Variants in TOM1 observed in about 807,000 individuals in gnomAD.
TOM1 encodes target of Myb protein 1.
Under a neutral mutation model 61.3 loss-of-function variants are expected in TOM1, and 38 were observed. The observed-to-expected ratio is 0.62, with a 90% CI of 0.48 to 0.81. The LOEUF is 0.81. Ranked by LOEUF, TOM1 falls within the 40% of genes least tolerant of loss-of-function variation. TOM1 has a pLI of 0.00. For synonymous variants in TOM1, 270 were observed against 268.8 expected, an observed-to-expected ratio of 1.00 and a Z score of -0.04; for missense variants, 591 against 659.6, an observed-to-expected ratio of 0.90 and a Z score of 1.14.
Position 35,333,621 on chromosome 22 carries a change from G to A in TOM1, c.1027+124G>A, listed in dbSNP as rs144941798. ...GTGTCAGTCTGGACCCCACCTTGCT[G>A]GGGTCCCAGGCTGAATCTTGCTGCA... On this transcript the variant is annotated intron_variant, in intron 10 of 14. Transcript: ENST00000449058. The A allele has an allele frequency of 1.1e-3, 953 of 864,566 alleles. 3 individuals are homozygous for A. The highest frequency in any genetic ancestry group is 1.1e-3 in the Non-Finnish European group (582 of 544,528). The allele number at this position is 864,566 out of a possible 1,614,324, so 53.6% of individuals were successfully genotyped here.
Position 35,323,314 on chromosome 22 carries a change from T to C in TOM1, c.366+137T>C, listed in dbSNP as rs1422057703. ...TCGGGGCGTCTCGGTTGTCGGCTGG[T>C]GGGATGTTCTGTGGGGAGGGAGGCT... On this transcript the variant is annotated intron_variant, in intron 4 of 14. Coordinates refer to ENST00000449058, the MANE Select transcript of TOM1 (RefSeq NM_005488.3). This position sits in a 1 kb window ranked among gnomAD's most constrained non-coding sequence, Gnocchi z 4.2. The C allele has an allele frequency of 7.1e-7, 1 of 1,401,162 alleles. No homozygotes were observed. The highest frequency in any genetic ancestry group is 9.7e-7 in the Non-Finnish European group (1 of 1,027,844). 86.8% of individuals were successfully genotyped at this position (1,401,162 alleles called of 1,614,324 possible). A position where few individuals can be genotyped will look rare whatever the true frequency, so the allele number is the denominator to read the frequency against.
chr22:35,332,928 G>A, intron 8 of TOM1, 53 bp from the exon 9 acceptor site: 24 of 1,595,126 alleles, frequency 1.5e-5, no homozygotes, highest in Non-Finnish European at 2.1e-5. Flanking sequence ...CTGGCCGTGT[G>A]TGGGGGCCTG....
intron 8 of TOM1, 130 bp from the exon 9 acceptor site, chr22:35,332,851 G>A: frequency 1.1e-6 from 1 of 903,148 alleles, no homozygotes; most frequent in Non-Finnish European, 1.9e-6. Flanking sequence ...GGGCACACCA[G>A]ACGTGTCATC....
intron 12 of TOM1, among the ~76,000 whole-genome samples, chr22:35,340,782 G>A (rs141876982): frequency 6.6e-6 from 1 of 152,292 alleles, no homozygotes; most frequent in African/African-American, 2.4e-5. Flanking sequence ...ACGAGTTGTG[G>A]AAACCGTCCA....
intron 11 of TOM1, among the ~76,000 whole-genome samples, chr22:35,337,574 A>G (rs1456494316): frequency 2.6e-5 from 4 of 152,248 alleles, no homozygotes; most frequent in Non-Finnish European, 4.4e-5. Flanking sequence ...GCACTCTTCA[A>G]AATGACTGCG....
At chr22:35,305,658 CA>C (rs137868113) in intron 1 of TOM1, among the ~76,000 whole-genome samples, 248 of 130,250 alleles carry the variant, frequency 1.9e-3, no homozygotes, top group Middle Eastern at 3.9e-3. Flanking sequence ...GACTCAATCT[CA>C]AAAAAAAAAA....
At chr22:35,299,413 T>G (rs1486994046), upstream of TOM1, 2 of 153,422 alleles carry the variant, frequency 1.3e-5, no homozygotes, top group Admixed American at 6.5e-5. Flanking sequence ...GGGTGCATCT[T>G]GGAGCGGGGA....
chr22:35,338,623 A>C, intron 11 of TOM1, 90 bp from the exon 12 acceptor site: 1 of 1,031,118 alleles, frequency 9.7e-7, no homozygotes, highest in Non-Finnish European at 1.4e-6. Context: ...GGAGGATGGG[A>C]GCCGTCAATC....
intron 1 of TOM1, among the ~76,000 whole-genome samples, chr22:35,304,668 C>T (rs1252276063): frequency 5.9e-5 from 9 of 152,194 alleles, no homozygotes; most frequent in Non-Finnish European, 1.0e-4. Flanking sequence ...TTAGTAGAGA[C>T]GGGGTTTCAC....
chr22:35,333,127 C>A, intron 9 of TOM1, 113 bp downstream of exon 9: 1 of 1,209,002 alleles, frequency 8.3e-7, no homozygotes, highest in Non-Finnish European at 1.2e-6. Flanking sequence ...CTTATCCAGG[C>A]CCATAGAGAA....
intron 1 of TOM1, among the ~76,000 whole-genome samples, chr22:35,303,907 T>G (rs1457058630): frequency 6.6e-6 from 1 of 152,208 alleles, no homozygotes; most frequent in African/African-American, 2.4e-5. Flanking sequence ...GAGCAGGAAC[T>G]GTGCCTTATT....
intron 11 of TOM1, among the ~76,000 whole-genome samples, chr22:35,336,043 G>A (rs1929301740): frequency 2.0e-5 from 3 of 152,158 alleles, no homozygotes; most frequent in Non-Finnish European, 4.4e-5. Flanking sequence ...AGAGGCAGTT[G>A]ATTTTATTCT....
chr22:35,347,522 G>T lies in TOM1; in HGVS notation c.*313G>T. On this transcript the variant is annotated 3_prime_UTR_variant, in exon 15 of 15. Transcript: ENST00000449058. ...TGGCTGGCTGGCTGCTTGACCCAGT[G>T]TGACTCTCCTTCACTGAGTGATACC... 3.6e-6 allele frequency: 1 copy of T among 275,830 alleles called. No individual in the cohort carries two copies. The highest frequency in any genetic ancestry group is 6.8e-6 in the Non-Finnish European group (1 of 146,562). The allele number at this position is 275,830 out of a possible 1,614,324, so 17.1% of individuals were successfully genotyped here.
At position 35,332,965 on chromosome 22, in the gene TOM1, C is replaced by G; in HGVS notation, c.900-16C>G. ...CTCAGTCTGTCTCCATAACTCGTGT[C>G]TTTTCTGTCTTGTAGGTTTGAACGG... On this transcript the variant is annotated splice_polypyrimidine_tract_variant and intron_variant, in intron 8 of 14. Coordinates refer to ENST00000449058, the MANE Select transcript of TOM1 (RefSeq NM_005488.3). 3.1e-6 allele frequency: 5 copies of G among 1,614,168 alleles called. No homozygotes were observed. Among genetic ancestry groups the G allele is most frequent in the Non-Finnish European group, 4.2e-6 (5 of 1,180,014 alleles).
At chr22:35,344,002 C>T (rs1930274118) in intron 12 of TOM1, among the ~76,000 whole-genome samples, 1 of 151,016 alleles carries the variant, frequency 6.6e-6, no homozygotes, top group Admixed American at 6.6e-5. Context: ...AACCTACACT[C>T]ATACACCTAC....
chr22:35,343,118 CACACACCA>C (rs1930053795), intron 12 of TOM1, among the ~76,000 whole-genome samples: 1 of 140,724 alleles, frequency 7.1e-6, no homozygotes, highest in Admixed American at 7.1e-5. Context: ...CACACACCCA[CACACACCA>C]CACACACACA....
chr22:35,308,944 T>C (rs1306144332), intron 1 of TOM1, among the ~76,000 whole-genome samples: 1 of 152,106 alleles, frequency 6.6e-6, no homozygotes, highest in Non-Finnish European at 1.5e-5. Flanking sequence ...GAAGGGTGGC[T>C]CAGCAAATTA....
intron 8 of TOM1, chr22:35,331,390 G>A (rs1162016785): frequency 2.2e-6 from 1 of 448,302 alleles, no homozygotes; most frequent in Middle Eastern, 3.3e-4. Context: ...GGTATTACAG[G>A]CATGAGCCAC....
At chr22:35,305,366 A>G (rs529789593) in intron 1 of TOM1, among the ~76,000 whole-genome samples, 1 of 152,364 alleles carries the variant, frequency 6.6e-6, no homozygotes, top group Admixed American at 6.5e-5. Context: ...GAGGGAAGAA[A>G]GAAACTGATG....
Sources: gnomAD v4.1 joint callset for allele counts (sites outside exome capture counted in the v4.1 genomes callset) on GRCh38, gnomAD v4.1.1 for gene constraint, Gnocchi (gnomAD v3.1) non-coding constraint, MANE v1.5 for transcripts, NCBI Gene and HGNC (gene_info 2026-07-23, HGNC 2026-07-21) for gene names.